The following EXT1 variants were observed in gnomAD, a reference collection of about 807,000 sequenced individuals.
The protein encoded by EXT1 is exostosin glycosyltransferase 1.
EXT1 carries 20 observed loss-of-function variants against 82.5 expected under a neutral mutation model. The observed-to-expected ratio is 0.24, with a 90% CI of 0.17 to 0.35. The LOEUF (loss-of-function observed/expected upper bound fraction) is 0.35. EXT1 is among the 10% of genes least tolerant of loss of function. The probability of loss-of-function intolerance (pLI) is 1.00; values close to 1 mark genes in which losing one functional copy is unlikely to be tolerated. For synonymous variants in EXT1, 348 were observed against 350.8 expected (o/e 0.99, Z 0.09); for missense variants, 757 against 936.5 (o/e 0.81, Z 2.50).
intron 1 of EXT1, among the ~76,000 whole-genome samples, chr8:118,103,186 G>A (rs746955073): frequency 2.7e-5 from 4 of 148,280 alleles, no homozygotes; most frequent in Non-Finnish European, 6.0e-5. Flanking sequence ...TTGCTCTATT[G>A]TCCAGGGTGG....
In EXT1 at chr8:117,875,406, G is replaced by C. The variant is rs1025131026; in HGVS notation, c.963-38205C>G. On this transcript the variant is annotated intron_variant, in intron 1 of 10. Transcript: ENST00000378204. ...ACTGCACTCCAGCCTGGGTGATAGA[G>C]TGAAACTACCTCTCTAAATAAATAA... 2.0e-5 allele frequency among the ~76,000 whole-genome samples: 3 copies of C among 150,086 alleles called. No homozygotes were observed. The South Asian group carries it at 6.4e-4, about 32-fold the overall frequency.
At chr8:118,088,717 TG>T (rs1817472325) in intron 1 of EXT1, among the ~76,000 whole-genome samples, 1 of 151,992 alleles carries the variant, frequency 6.6e-6, no homozygotes, top group South Asian at 2.1e-4. Flanking sequence ...TTTGTTTTCT[TG>T]TTTACTTTTG....
chr8:117,892,321 G>A (rs1813258611), intron 1 of EXT1, among the ~76,000 whole-genome samples: 1 of 152,244 alleles, frequency 6.6e-6, no homozygotes, highest in African/African-American at 2.4e-5. Context: ...CAAAGTCAAT[G>A]ATCTCACAAG....
At chr8:117,878,803 G>A (rs1368847222) in intron 1 of EXT1, among the ~76,000 whole-genome samples, 1 of 152,214 alleles carries the variant, frequency 6.6e-6, no homozygotes, top group East Asian at 1.9e-4. Context: ...AGGCACAACA[G>A]TATGATGAGG....
Position 118,085,451 on chromosome 8 carries a change from T to C in EXT1, c.962+24634A>G, listed in dbSNP as rs79221531. On this transcript the variant is annotated intron_variant, in intron 1 of 10. Transcript: ENST00000378204. The stretch of plus-strand genomic sequence containing the variant: ...GATTTATGGTACCTAAAGGGTTGTT[T>C]TGTTTGTTTGTTATTGGGGCTGTTT... 2.6e-3 allele frequency among the ~76,000 whole-genome samples: 389 copies of C among 151,728 alleles called. 2 individuals carry two copies. The highest frequency in any genetic ancestry group is 8.8e-3 in the African/African-American group (364 of 41,436).
At chr8:117,840,100 C>A (rs577210341) in intron 1 of EXT1, among the ~76,000 whole-genome samples, 1 of 152,124 alleles carries the variant, frequency 6.6e-6, no homozygotes, top group Non-Finnish European at 1.5e-5. Flanking sequence ...TGAGAATTGT[C>A]CTAAGGGGAT....
rs905249062 is a variant in EXT1 at position 117,799,573 on chromosome 8, T to G, written c.*139A>C. 77 of 980,220 alleles carry G rather than the reference T, an allele frequency of 7.9e-5. No homozygotes were observed. The highest frequency in any genetic ancestry group is 1.1e-4 in the Non-Finnish European group (71 of 648,274). The allele number at this position is 980,220 out of a possible 1,614,324, so 60.7% of individuals were successfully genotyped here. A position where few individuals can be genotyped will look rare whatever the true frequency, so the allele number is the denominator to read the frequency against. On this transcript the variant is annotated 3_prime_UTR_variant, in exon 11 of 11. Transcript: ENST00000378204. ...GAGTTGAGTTCTCATTGGCCTTTTT[T>G]TTTTTGTCATTCTGCTCATCTAAGT...
At chr8:117,860,475 A>G (rs1026446249) in intron 1 of EXT1, among the ~76,000 whole-genome samples, 1 of 152,218 alleles carries the variant, frequency 6.6e-6, no homozygotes, top group Admixed American at 6.5e-5. Flanking sequence ...TCCATGTCAG[A>G]CAACTGCACT....
intron 7 of EXT1, 78 bp downstream of exon 7, chr8:117,818,357 G>T: frequency 3.6e-6 from 4 of 1,111,558 alleles, no homozygotes; most frequent in Non-Finnish European, 5.5e-6. Flanking sequence ...AAGATATCTA[G>T]GGCCAAGACC....
At chr8:117,887,754 C>T (rs1464244807) in intron 1 of EXT1, among the ~76,000 whole-genome samples, 2 of 152,026 alleles carry the variant, frequency 1.3e-5, no homozygotes, top group African/African-American at 4.8e-5. Flanking sequence ...TATCAAGAAA[C>T]TGATAAAATA....
rs1286835112 is a variant in EXT1, at chr8:117,968,569, T to A, written c.963-131368A>T. ...TATTTATTTATTTTTTTTTTTTTTTTTTTTTTTTTTTTTTTTTTGAGACGG... is the reference window on the plus strand; with the variant it reads ...TATTTATTTATTTTTTTTTTTTTTTATTTTTTTTTTTTTTTTTTGAGACGG... On this transcript the variant is annotated intron_variant, in intron 1 of 10. Transcript: ENST00000378204. Among the ~76,000 whole-genome samples the A allele has an allele frequency of 1.2e-3, 14 of 11,386 alleles. 3 individuals carry two copies. The highest frequency in any genetic ancestry group is 7.1e-3 in the East Asian group (4 of 560). The allele number at this position is 11,386 out of a possible 152,430, so 7.5% of individuals were successfully genotyped here. A position where few individuals can be genotyped will look rare whatever the true frequency, so the allele number is the denominator to read the frequency against.
intron 1 of EXT1, among the ~76,000 whole-genome samples, chr8:117,884,325 T>C (rs542225856): frequency 2.0e-5 from 3 of 152,230 alleles, no homozygotes; most frequent in South Asian, 2.1e-4. Context: ...TTGGCAAATA[T>C]CCCTTTGGTG....
intron 4 of EXT1, among the ~76,000 whole-genome samples, chr8:117,825,701 A>G (rs1811998499): frequency 6.6e-6 from 1 of 152,196 alleles, no homozygotes; most frequent in Non-Finnish European, 1.5e-5. Flanking sequence ...AGCCTAAGAT[A>G]CACGATGCCA....
intron 1 of EXT1, 75 bp downstream of exon 1, chr8:118,110,010 C>A: frequency 1.2e-6 from 2 of 1,610,478 alleles, no homozygotes; most frequent in South Asian, 2.2e-5. Context: ...CACCCCATCC[C>A]CCAACTTCAC....
chr8:117,906,385 TGACAGACTAAAGTAATA>T (rs1478383404), intron 1 of EXT1, among the ~76,000 whole-genome samples: 3 of 152,210 alleles, frequency 2.0e-5, no homozygotes, highest in Non-Finnish European at 4.4e-5. Context: ...CTGATGCCTG[TGACAGACTAAAGTAATA>T]GATTTATTTC....
At chr8:118,090,842 T>C (rs2468151) in intron 1 of EXT1, among the ~76,000 whole-genome samples, 111,329 of 143,934 alleles carry the variant, frequency 0.77, 45,122 homozygotes, top group Non-Finnish European at 0.91. Flanking sequence ...CACAGAATTA[T>C]ATCCTTGTGA....
At chr8:117,833,614 C>CA (rs767133166) in intron 3 of EXT1, among the ~76,000 whole-genome samples, 3,323 of 130,582 alleles carry the variant, frequency 0.025, 113 homozygotes, top group African/African-American at 0.085. Flanking sequence ...GACTCCATCT[C>CA]AAAAAAAAAA....
intron 1 of EXT1, among the ~76,000 whole-genome samples, chr8:118,102,530 T>C (rs1277891196): frequency 6.6e-6 from 1 of 152,218 alleles, no homozygotes; most frequent in Non-Finnish European, 1.5e-5. Context: ...TTTTGTTTGC[T>C]GAAGTAGCCC....
chr8:118,086,084 A>G (rs1232182884), intron 1 of EXT1, among the ~76,000 whole-genome samples: 1 of 152,226 alleles, frequency 6.6e-6, no homozygotes, highest in Non-Finnish European at 1.5e-5. Context: ...TCTGGTACCC[A>G]ATCCTCATCT....
Sources: allele counts gnomAD v4.1 joint callset (sites outside exome capture counted in the v4.1 genomes callset), GRCh38; gene constraint gnomAD v4.1.1; transcripts MANE v1.5; gene names NCBI Gene and HGNC (gene_info 2026-07-23, HGNC 2026-07-21).